The following CSMD1 variants were observed in gnomAD, a reference collection of about 807,000 sequenced individuals.
CSMD1 encodes the protein CUB and Sushi multiple domains 1, also known as CUB and sushi domain-containing protein 1.
In CSMD1, 213 loss-of-function variants were observed where a neutral mutation model predicts 417.5. The ratio of observed to expected loss-of-function variants is 0.51; its 90% CI spans 0.46 to 0.57. The LOEUF is 0.57. Among genes scored for constraint, CSMD1 ranks in the 20% least tolerant of loss-of-function variants. The pLI is 0.00. For missense variants in CSMD1, 6,923 were observed against 4,529.7 expected (o/e 1.53, Z -15.17); for synonymous variants, 2,862 against 1,736.8 (o/e 1.65, Z -16.11).
At chr8:3,637,498 A>G (rs10099561) in intron 7 of CSMD1, among the ~76,000 whole-genome samples, 65,631 of 152,002 alleles carry the variant, frequency 0.43, 14,311 homozygotes, top group Middle Eastern at 0.6. Context: ...TTCTTTGACT[A>G]TAATAAAATA....
chr8:3,964,440 G>A (rs1163841003), intron 5 of CSMD1, among the ~76,000 whole-genome samples: 1 of 152,136 alleles, frequency 6.6e-6, no homozygotes, highest in Non-Finnish European at 1.5e-5. Context: ...TAATCAGCCA[G>A]TGGAAGGAGA....
At chr8:4,689,290 T>C (rs1277064061) in intron 1 of CSMD1, among the ~76,000 whole-genome samples, 1 of 152,190 alleles carries the variant, frequency 6.6e-6, no homozygotes, top group African/African-American at 2.4e-5. Context: ...ATTTTGGATA[T>C]GTAGGAAGGT....
chr8:4,093,224 C>T (rs1195510605), intron 3 of CSMD1, among the ~76,000 whole-genome samples: 1 of 151,520 alleles, frequency 6.6e-6, no homozygotes, highest in Non-Finnish European at 1.5e-5. Flanking sequence ...GTATAATTTA[C>T]CTATGTTTAC....
chr8:3,378,022 G>C (rs568293345), intron 18 of CSMD1, among the ~76,000 whole-genome samples: 1 of 152,306 alleles, frequency 6.6e-6, no homozygotes, highest in South Asian at 2.1e-4. Flanking sequence ...GGCTGAGTGT[G>C]ACCTGGTCTT....
chr8:4,302,661 A>AT (rs1452621916), intron 3 of CSMD1, among the ~76,000 whole-genome samples: 1 of 152,178 alleles, frequency 6.6e-6, no homozygotes, highest in Admixed American at 6.5e-5. Context: ...TAGCTGATTA[A>AT]TGTTCAAAAG....
intron 3 of CSMD1, among the ~76,000 whole-genome samples, chr8:4,334,095 C>G (rs1383060998): frequency 1.3e-5 from 2 of 151,982 alleles, no homozygotes; most frequent in African/African-American, 4.8e-5. Context: ...TGATTACAGA[C>G]AGGGTTTTAC....
intron 2 of CSMD1, among the ~76,000 whole-genome samples, chr8:4,635,774 A>G (rs2130854756): frequency 6.6e-6 from 1 of 152,242 alleles, no homozygotes; most frequent in East Asian, 1.9e-4. Context: ...CCTACATCAA[A>G]TTAGCAAGTA....
intron 14 of CSMD1, 29 bp downstream of exon 14, chr8:3,407,870 G>A: frequency 2.6e-6 from 4 of 1,551,442 alleles, no homozygotes; most frequent in Non-Finnish European, 3.5e-6. Flanking sequence ...ATGAGAACTT[G>A]GATGTGTTGA....
intron 1 of CSMD1, among the ~76,000 whole-genome samples, chr8:4,980,598 C>T (rs1433829307): frequency 6.6e-6 from 1 of 152,146 alleles, no homozygotes; most frequent in Non-Finnish European, 1.5e-5. Flanking sequence ...TGGAAGGTCA[C>T]TTTGAATTCA....
intron 3 of CSMD1, among the ~76,000 whole-genome samples, chr8:4,218,960 G>A (rs775366475): frequency 2.6e-5 from 4 of 151,970 alleles, no homozygotes; most frequent in Non-Finnish European, 1.5e-5. Flanking sequence ...TTTTTCCAAC[G>A]TATGTCTAAT....
intron 5 of CSMD1, among the ~76,000 whole-genome samples, chr8:3,890,838 C>T (rs1806923948): frequency 6.6e-6 from 1 of 152,046 alleles, no homozygotes; most frequent in South Asian, 2.1e-4. Context: ...ATAAAATGCT[C>T]ATACTCAGTA....
chr8:3,303,752 C>G (rs1340082479), intron 25 of CSMD1, among the ~76,000 whole-genome samples: 2 of 152,146 alleles, frequency 1.3e-5, no homozygotes, highest in Non-Finnish European at 2.9e-5. Context: ...CTGTGCCCAG[C>G]AATGAAATAT....
chr8:4,062,012 G>T (rs754494729), intron 3 of CSMD1, among the ~76,000 whole-genome samples: 1 of 152,142 alleles, frequency 6.6e-6, no homozygotes, highest in East Asian at 1.9e-4. Flanking sequence ...TCAAGGTGTA[G>T]TGGGGAGGAG....
chr8:3,945,387 T>C (rs1391383901), intron 5 of CSMD1, among the ~76,000 whole-genome samples: 1 of 152,076 alleles, frequency 6.6e-6, no homozygotes, highest in Non-Finnish European at 1.5e-5. Context: ...CTGCACAATA[T>C]AAATGAACGG....
chr8:4,017,794 C>T (rs1190626596), intron 4 of CSMD1, among the ~76,000 whole-genome samples: 1 of 152,086 alleles, frequency 6.6e-6, no homozygotes, highest in Non-Finnish European at 1.5e-5. Flanking sequence ...TTGTAATCTG[C>T]ATTTGGAAAA....
rs151246530 is a variant in CSMD1 at position 3,203,700 on chromosome 8, A to T, written c.4984+1804T>A. On this transcript the variant is annotated intron_variant, in intron 31 of 69. Transcript: ENST00000635120. ...CTGAAAACAAACACTTTGCTCCATAAATAACAGGAGTGACTAAGGATGTTT... is the reference window on the plus strand; with the variant it reads ...CTGAAAACAAACACTTTGCTCCATATATAACAGGAGTGACTAAGGATGTTT... 3.6e-3 allele frequency among the ~76,000 whole-genome samples: 552 copies of T among 152,314 alleles called. 1 individual carries two copies. The highest frequency in any genetic ancestry group is 0.012 in the African/African-American group (508 of 41,568).
At chr8:3,767,651 A>G (rs1159642757) in intron 5 of CSMD1, among the ~76,000 whole-genome samples, 2 of 152,226 alleles carry the variant, frequency 1.3e-5, no homozygotes, top group South Asian at 2.1e-4. Context: ...TGCATACTGT[A>G]TATGATATAT....
At chr8:4,297,285 G>C (rs1029133834) in intron 3 of CSMD1, among the ~76,000 whole-genome samples, 2 of 151,936 alleles carry the variant, frequency 1.3e-5, no homozygotes, top group East Asian at 1.9e-4. Context: ...TGAAGAAACA[G>C]CCTTGTATCT....
At chr8:3,737,159 T>G (rs1563325849) in intron 6 of CSMD1, among the ~76,000 whole-genome samples, 1 of 152,240 alleles carries the variant, frequency 6.6e-6, no homozygotes, top group Non-Finnish European at 1.5e-5. Flanking sequence ...ACAATTAGTT[T>G]AATAAAAATT....
Sources: gnomAD v4.1 joint callset for allele counts (sites outside exome capture counted in the v4.1 genomes callset) on GRCh38, gnomAD v4.1.1 for gene constraint, MANE v1.5 for transcripts, NCBI Gene and HGNC (gene_info 2026-07-23, HGNC 2026-07-21) for gene names.